Variants in GSK3B observed in about 807,000 individuals in gnomAD.
GSK3B encodes glycogen synthase kinase-3 beta.
Under a neutral mutation model 56.4 loss-of-function variants are expected in GSK3B, and 15 were observed. That is an observed-to-expected ratio of 0.27 (90% confidence interval 0.18 to 0.41). GSK3B has a LOEUF of 0.41. Among genes scored for constraint, GSK3B ranks in the 10% least tolerant of loss-of-function variants. GSK3B has a pLI of 1.00. For synonymous variants in GSK3B, 181 were observed against 188.9 expected, an observed-to-expected ratio of 0.96 and a Z score of 0.34; for missense variants, 300 against 513.4, an observed-to-expected ratio of 0.58 and a Z score of 4.02.
chr3:120,031,559 A>AGGAAGTAGAGGGACAGAGGG (rs2057975877), intron 1 of GSK3B, among the ~76,000 whole-genome samples: 5 of 152,182 alleles, frequency 3.3e-5, no homozygotes. Context: ...GTATTCAACA[A>AGGAAGTAGAGGGACAGAGGG]GGAAGTAGAG....
intron 1 of GSK3B, among the ~76,000 whole-genome samples, chr3:120,035,176 G>A (rs1222101832): frequency 6.6e-6 from 1 of 152,084 alleles, no homozygotes; most frequent in Admixed American, 6.5e-5. Context: ...AAGAATTTTG[G>A]ACACACAAAC....
intron 2 of GSK3B, among the ~76,000 whole-genome samples, chr3:119,998,002 T>C (rs923120172): frequency 6.6e-6 from 1 of 152,210 alleles, no homozygotes; most frequent in African/African-American, 2.4e-5. Flanking sequence ...CGACATTATT[T>C]ATAAGCAAGA....
At chr3:119,868,975 T>A (rs190658965) in intron 8 of GSK3B, among the ~76,000 whole-genome samples, 2 of 152,296 alleles carry the variant, frequency 1.3e-5, no homozygotes, top group East Asian at 1.9e-4. Context: ...TCAAGTCTAC[T>A]TAAGTGCTCA....
At chr3:120,090,889 T>C (rs1398431206) in intron 1 of GSK3B, among the ~76,000 whole-genome samples, 1 of 152,206 alleles carries the variant, frequency 6.6e-6, no homozygotes, top group Non-Finnish European at 1.5e-5. Context: ...TGTTCTTATT[T>C]AGGCCCCTTT....
At chr3:119,945,525 A>G (rs2057091738) in intron 3 of GSK3B, among the ~76,000 whole-genome samples, 3 of 152,132 alleles carry the variant, frequency 2.0e-5, no homozygotes, top group East Asian at 1.9e-4. Context: ...GTCACCCCCA[A>G]TGCAGGATTA....
At chr3:120,047,854 TACTTA>T (rs1364179553) in intron 1 of GSK3B, among the ~76,000 whole-genome samples, 1 of 152,236 alleles carries the variant, frequency 6.6e-6, no homozygotes, top group Non-Finnish European at 1.5e-5. Context: ...AGATGTTCTG[TACTTA>T]ACTTGATCTG....
At chr3:119,888,153 A>AAAATGGT (rs1457905337) in intron 7 of GSK3B, among the ~76,000 whole-genome samples, 2 of 152,170 alleles carry the variant, frequency 1.3e-5, no homozygotes, top group Non-Finnish European at 2.9e-5. Flanking sequence ...GAGAGCACCA[A>AAAATGGT]AAATGGTAAA....
chr3:120,029,306 G>C (rs567909838), intron 1 of GSK3B: 2 of 743,208 alleles, frequency 2.7e-6, no homozygotes, highest in East Asian at 2.5e-5. Flanking sequence ...CTCTGCAGCG[G>C]ACAATGATCA....
chr3:119,903,679 T>G (rs2056648599), intron 7 of GSK3B, among the ~76,000 whole-genome samples: 1 of 152,208 alleles, frequency 6.6e-6, no homozygotes, highest in Admixed American at 6.5e-5. Flanking sequence ...GATGCTCACT[T>G]AGCTTCCTCA....
chr3:119,882,382 T>C (rs1171586542), intron 7 of GSK3B, among the ~76,000 whole-genome samples: 1 of 152,162 alleles, frequency 6.6e-6, no homozygotes, highest in African/African-American at 2.4e-5. Context: ...CCTAATATTA[T>C]GTTAAGGAAA....
intron 2 of GSK3B, among the ~76,000 whole-genome samples, chr3:120,000,142 G>A (rs533456563): frequency 6.6e-6 from 1 of 152,152 alleles, no homozygotes; most frequent in Admixed American, 6.5e-5. Context: ...GCAGTATGAG[G>A]AAAAAAGAAA....
In GSK3B at chr3:119,825,743, A is replaced by T; in HGVS notation, c.*1045T>A. The T allele has an allele frequency of 4.5e-6, 1 of 224,518 alleles. No individual in the cohort carries two copies. Among genetic ancestry groups the T allele is most frequent in the East Asian group, 6.5e-5 (1 of 15,310 alleles). 13.9% of individuals were successfully genotyped at this position (224,518 alleles called of 1,614,324 possible). ...TTCTGCAAGCTCAATTTTCAATTAA[A>T]AAATATGAAAAATAAACCAGTAGAT... On this transcript the variant is annotated 3_prime_UTR_variant, in exon 11 of 11. Coordinates refer to ENST00000264235, the MANE Select transcript of GSK3B (RefSeq NM_001146156.2).
Position 119,916,064 on chromosome 3 carries a change from T to C in GSK3B, c.588A>G (p.Leu196=). Residue 196 remains leucine (L), a synonymous_variant, in exon 5 of 11, where the codon TTA becomes TTG. Coordinates refer to ENST00000264235, the MANE Select transcript of GSK3B (RefSeq NM_001146156.2). ...CTTACCTTCCAAAGTCACAGAGTTT[T>C]AATACAGCAGTATCAGGATCCAACA... ...NLLLDPDTAV[L]KLCDFGSAKQ... The C allele has an allele frequency of 6.2e-7, 1 of 1,612,982 alleles. No individual in the cohort carries two copies. The highest frequency in any genetic ancestry group is 8.5e-7 in the Non-Finnish European group (1 of 1,179,204).
At chr3:120,049,492 G>C (rs559881505) in intron 1 of GSK3B, among the ~76,000 whole-genome samples, 1 of 152,294 alleles carries the variant, frequency 6.6e-6, no homozygotes, top group East Asian at 1.9e-4. Context: ...TTGAGAGACA[G>C]GTAAGTTGAC....
intron 2 of GSK3B, among the ~76,000 whole-genome samples, chr3:119,955,649 TTTGTTGTTG>T (rs143437523): frequency 6.6e-6 from 1 of 151,348 alleles, no homozygotes; most frequent in Admixed American, 6.6e-5. Context: ...TGCTTTTGTT[TTTGTTGTTG>T]TTGTTGTTGT....
chr3:119,920,647 C>T (rs1241057984), intron 4 of GSK3B, among the ~76,000 whole-genome samples: 1 of 151,972 alleles, frequency 6.6e-6, no homozygotes, highest in Non-Finnish European at 1.5e-5. Flanking sequence ...AGCTGGTGGT[C>T]CTAGTGTTGG....
At chr3:119,965,038 C>CTTTTTTTTTTTTT (rs573903125) in intron 2 of GSK3B, among the ~76,000 whole-genome samples, 2 of 125,620 alleles carry the variant, frequency 1.6e-5, no homozygotes, top group Admixed American at 8.2e-5. Context: ...ATTATGTTTT[C>CTTTTTTTTTTTTT]TTTTTTTTTT....
intron 2 of GSK3B, among the ~76,000 whole-genome samples, chr3:119,960,974 C>A (rs560063915): frequency 3.1e-4 from 47 of 152,178 alleles, no homozygotes; most frequent in African/African-American, 9.9e-4. Flanking sequence ...TAAAATAACA[C>A]CCCTACTGAC....
At chr3:119,979,252 T>C (rs975163818) in intron 2 of GSK3B, among the ~76,000 whole-genome samples, 1 of 152,164 alleles carries the variant, frequency 6.6e-6, no homozygotes, top group African/African-American at 2.4e-5. Context: ...TTCTTCTACT[T>C]CTACCTTAAA....
Sources: gnomAD v4.1 joint callset for allele counts (sites outside exome capture counted in the v4.1 genomes callset) on GRCh38, gnomAD v4.1.1 for gene constraint, MANE v1.5 for transcripts, NCBI Gene and HGNC (gene_info 2026-07-23, HGNC 2026-07-21) for gene names.